C2CD3: variants seen among roughly 807,000 people sequenced by gnomAD.
C2CD3 encodes the protein C2 domain containing 3 centriole elongation regulator.
In C2CD3, 148 loss-of-function variants were observed where a neutral mutation model predicts 234.0. That is an observed-to-expected ratio of 0.63 (90% CI 0.55 to 0.72). The LOEUF is 0.72. Among genes scored for constraint, C2CD3 ranks in the 30% least tolerant of loss-of-function variants. The pLI is 0.00. For synonymous variants in C2CD3, 1,000 were observed against 1,035.4 expected, an observed-to-expected ratio of 0.97 and a Z score of 0.66; for missense variants, 2,577 against 2,811.5, an observed-to-expected ratio of 0.92 and a Z score of 1.89.
chr11:74,147,242 T>C lies in C2CD3; in HGVS notation c.484-7414A>G, dbSNP rs141750684. ...CCAGCTTGGGCAACATCTCAAGGCC[T>C]TGTCTCTACAAAAAAATACAAAAAT... On this transcript the variant is annotated intron_variant, in intron 3 of 32. Transcript: ENST00000334126. Among the ~76,000 whole-genome samples the C allele has an allele frequency of 1.6e-3, 244 of 151,874 alleles. 5 individuals are homozygous for C. The East Asian group carries it at 0.037, about 23-fold the overall frequency.
At chr11:74,153,057 T>G (rs1855768254) in intron 3 of C2CD3, among the ~76,000 whole-genome samples, 2 of 152,014 alleles carry the variant, frequency 1.3e-5, no homozygotes, top group African/African-American at 4.8e-5. Context: ...AAACCCTGTC[T>G]CTACAAAAAA....
chr11:74,076,857 T>C (rs1351012636), intron 23 of C2CD3, among the ~76,000 whole-genome samples: 3 of 152,234 alleles, frequency 2.0e-5, no homozygotes, highest in Non-Finnish European at 4.4e-5. Flanking sequence ...AGAGGTGTCA[T>C]GTCCCTGTGT....
rs1590949672 is a variant in C2CD3, at chr11:74,152,051, C to G, written c.483+9348G>C. Among the ~76,000 whole-genome samples, 5 of 152,170 alleles carry G rather than the reference C, an allele frequency of 3.3e-5. No homozygotes were observed. The South Asian group carries it at 1.0e-3, about 32-fold the overall frequency. ...GATGAAAAGACTGGAAAAAACCAAACTCAAGTCACTGGTAGAAAAATGTCA... is the reference window on the plus strand; with the variant it reads ...GATGAAAAGACTGGAAAAAACCAAAGTCAAGTCACTGGTAGAAAAATGTCA... On this transcript the variant is annotated intron_variant, in intron 3 of 32. Coordinates refer to ENST00000334126, the MANE Select transcript of C2CD3 (RefSeq NM_001286577.2).
At chr11:74,159,749 T>C (rs1394462023) in intron 3 of C2CD3, among the ~76,000 whole-genome samples, 2 of 151,970 alleles carry the variant, frequency 1.3e-5, no homozygotes, top group Non-Finnish European at 2.9e-5. Flanking sequence ...GTAAATTTAG[T>C]GTAGTCTTCT....
intron 24 of C2CD3, among the ~76,000 whole-genome samples, chr11:74,057,972 C>G (rs935338284): frequency 1.3e-5 from 2 of 152,098 alleles, no homozygotes; most frequent in African/African-American, 4.8e-5. Context: ...ATCAATCAAT[C>G]AATTGATGAC....
chr11:74,116,003 A>G (rs543535103), intron 9 of C2CD3, among the ~76,000 whole-genome samples: 3 of 152,334 alleles, frequency 2.0e-5, no homozygotes, highest in African/African-American at 7.2e-5. Context: ...TAAATCTAAG[A>G]CCTCAAATCA....
At chr11:74,075,504 T>C (rs1190203590) in intron 23 of C2CD3, among the ~76,000 whole-genome samples, 2 of 152,202 alleles carry the variant, frequency 1.3e-5, no homozygotes, top group Non-Finnish European at 1.5e-5. Context: ...TGGCAGTAAG[T>C]GGCAGATTTA....
chr11:74,041,933 C>T lies in C2CD3; in HGVS notation c.5660+121G>A, dbSNP rs1953081876. On this transcript the variant is annotated intron_variant, in intron 29 of 32. Coordinates refer to ENST00000334126, the MANE Select transcript of C2CD3 (RefSeq NM_001286577.2). ...AACCTGATACTAACATGCAAAAGAG[C>T]CCTCTACTAATGTTCCTAGGGCGGT... 4.4e-6 allele frequency: 4 copies of T among 900,692 alleles called. No individual in the cohort carries two copies. The South Asian group carries it at 5.1e-5, about 12-fold the overall frequency. The allele number at this position is 900,692 out of a possible 1,614,324, so 55.8% of individuals were successfully genotyped here.
chr11:74,111,496 G>A (rs1956741778), intron 11 of C2CD3, among the ~76,000 whole-genome samples: 1 of 152,046 alleles, frequency 6.6e-6, no homozygotes, highest in Admixed American at 6.6e-5. Context: ...AAACATAAAT[G>A]AATTTCATGT....
chr11:74,156,005 G>A (rs1855989415), intron 3 of C2CD3, among the ~76,000 whole-genome samples: 1 of 152,094 alleles, frequency 6.6e-6, no homozygotes, highest in South Asian at 2.1e-4. Context: ...GCCAGGTGCA[G>A]TGGGTCATGC....
At chr11:74,123,973 C>T (rs189865894) in intron 7 of C2CD3, among the ~76,000 whole-genome samples, 2 of 152,186 alleles carry the variant, frequency 1.3e-5, no homozygotes, top group African/African-American at 4.8e-5. Flanking sequence ...TTAGGTGATC[C>T]ACCCACCTTG....
chr11:74,088,620 C>T (rs1413804070), intron 20 of C2CD3, among the ~76,000 whole-genome samples: 2 of 152,174 alleles, frequency 1.3e-5, no homozygotes, highest in Non-Finnish European at 2.9e-5. Context: ...TGTTATCTGC[C>T]CTCTCTGAGA....
rs143154367 is a variant in C2CD3 at position 74,116,958 on chromosome 11, G to A, written c.1520+1270C>T. ...TATACACATATACACGTATATATGTGTATATACACATATACACGTATATAT... is the reference window on the plus strand; with the variant it reads ...TATACACATATACACGTATATATGTATATATACACATATACACGTATATAT... On this transcript the variant is annotated intron_variant, in intron 9 of 32. Transcript: ENST00000334126. Among the ~76,000 whole-genome samples, 526 of 74,840 alleles carry A rather than the reference G, an allele frequency of 7.0e-3. 20 individuals carry two copies. Among genetic ancestry groups the A allele is most frequent in the East Asian group, 0.023 (84 of 3,716 alleles). The allele number at this position is 74,840 out of a possible 152,430, so 49.1% of individuals were successfully genotyped here.
In C2CD3 at chr11:74,078,164, C is replaced by T; in HGVS notation, c.4554G>A (p.Val1518=). ...ACCTCTCCCCAAGTCTGGCCAGGTC[C>T]ACATAGGCTGAGCCAATCCAGCTGT... The part of the protein sequence containing the change: ...QTDSWIGSAY[V]DLARLGERSA... The change falls in exon 23 of 33, where the codon GTG becomes GTA. Residue 1518 remains valine (V), a synonymous_variant. Transcript: ENST00000334126. 2 of 1,613,972 alleles carry T rather than the reference C, an allele frequency of 1.2e-6. No individual in the cohort carries two copies. Among genetic ancestry groups the T allele is most frequent in the Non-Finnish European group, 1.7e-6 (2 of 1,180,006 alleles).
intron 30 of C2CD3, chr11:74,034,756 A>G: frequency 1.4e-6 from 1 of 731,622 alleles, no homozygotes; most frequent in Non-Finnish European, 2.4e-6. Flanking sequence ...AAATAGAAGC[A>G]GCAAGGTATG....
At chr11:74,043,767 TTCAGATCC>T (rs1489315862) in intron 28 of C2CD3, among the ~76,000 whole-genome samples, 67 of 152,330 alleles carry the variant, frequency 4.4e-4, no homozygotes, top group African/African-American at 1.6e-3. Flanking sequence ...GAAATGTCTA[TTCAGATCC>T]TTTGCCCATT....
At chr11:74,020,399 TC>T (rs1952037292) in intron 32 of C2CD3, among the ~76,000 whole-genome samples, 1 of 152,246 alleles carries the variant, frequency 6.6e-6, no homozygotes, top group South Asian at 2.1e-4. Flanking sequence ...GAAAAGCCTT[TC>T]CTTTATCTTT....
At chr11:74,115,292 T>A (rs1177959203) in intron 9 of C2CD3, among the ~76,000 whole-genome samples, 3 of 151,804 alleles carry the variant, frequency 2.0e-5, no homozygotes, top group Admixed American at 2.0e-4. Flanking sequence ...CATTATACAA[T>A]ACATATGAGT....
intron 17 of C2CD3, among the ~76,000 whole-genome samples, chr11:74,094,643 G>C (rs1026725699): frequency 1.3e-5 from 2 of 152,240 alleles, no homozygotes; most frequent in Non-Finnish European, 2.9e-5. Context: ...GGGTACAGTA[G>C]GATGGGGTTT....
Sources: gnomAD v4.1 joint callset for allele counts (sites outside exome capture counted in the v4.1 genomes callset) on GRCh38, gnomAD v4.1.1 for gene constraint, MANE v1.5 for transcripts, NCBI Gene and HGNC (gene_info 2026-07-23, HGNC 2026-07-21) for gene names.